Variants in SGCZ observed in about 807,000 individuals in gnomAD.
SGCZ encodes zeta-sarcoglycan.
SGCZ carries 40 observed loss-of-function variants against 41.3 expected under a neutral mutation model. That is an observed-to-expected ratio of 0.97 (90% CI 0.75 to 1.26). The LOEUF (loss-of-function observed/expected upper bound fraction) is 1.26. Among genes scored for constraint, SGCZ ranks in the 50% most tolerant of loss-of-function variants. The pLI is 0.00. For missense variants in SGCZ, 552 were observed against 369.8 expected (o/e 1.49, Z -4.04); for synonymous variants, 206 against 137.5 (o/e 1.50, Z -3.49).
chr8:14,213,828 C>G (rs1475968052), intron 4 of SGCZ, among the ~76,000 whole-genome samples: 1 of 152,016 alleles, frequency 6.6e-6, no homozygotes, highest in Non-Finnish European at 1.5e-5. Context: ...AGTTTCAAGA[C>G]TTCACTTGAA....
chr8:14,689,791 T>A (rs1303056150), intron 1 of SGCZ, among the ~76,000 whole-genome samples: 2 of 152,152 alleles, frequency 1.3e-5, no homozygotes, highest in Admixed American at 6.6e-5. Context: ...AACAGACGCA[T>A]AATTAAAGAG....
chr8:14,379,203 A>G (rs886150028), intron 2 of SGCZ, among the ~76,000 whole-genome samples: 4 of 152,208 alleles, frequency 2.6e-5, no homozygotes, highest in Non-Finnish European at 5.9e-5. Context: ...TGAAGATATT[A>G]TTATATACCT....
At chr8:15,125,308 C>T (rs1369338869) in intron 1 of SGCZ, among the ~76,000 whole-genome samples, 1 of 152,200 alleles carries the variant, frequency 6.6e-6, no homozygotes, top group Non-Finnish European at 1.5e-5. Flanking sequence ...CTACACTCAT[C>T]TACCCTTATG....
At chr8:14,770,132 T>A in intron 1 of SGCZ, among the ~76,000 whole-genome samples, 1 of 135,404 alleles carries the variant, frequency 7.4e-6, no homozygotes, top group South Asian at 2.4e-4. Context: ...ATAATAATTA[T>A]ATCTATTATA....
intron 1 of SGCZ, among the ~76,000 whole-genome samples, chr8:15,063,975 T>A (rs1316315971): frequency 6.6e-6 from 1 of 152,186 alleles, no homozygotes; most frequent in East Asian, 1.9e-4. Flanking sequence ...TTTCTGTTAT[T>A]CCGATATTTT....
rs956407988 is a variant in SGCZ, at chr8:15,105,514, A to G, written c.39+132071T>C. On this transcript the variant is annotated intron_variant, in intron 1 of 7. Transcript: ENST00000382080. ...GAGCAGGAGAGAGAGAGAGAGAGCT[A>G]AGGCCGAAGTGATACCCACTTTTAA... Among the ~76,000 whole-genome samples the G allele has an allele frequency of 1.1e-4, 17 of 152,066 alleles. No homozygotes were observed. The East Asian group carries it at 2.5e-3, about 22-fold the overall frequency.
intron 4 of SGCZ, among the ~76,000 whole-genome samples, chr8:14,209,836 GTATGATTAAGTAAAATATAAC>G (rs1805742261): frequency 1.7e-4 from 2 of 11,736 alleles, no homozygotes; most frequent in African/African-American, 4.5e-3. Context: ...AATATAACCT[GTATGATTAAGTAAAATATAAC>G]CTGTATGATT....
intron 1 of SGCZ, among the ~76,000 whole-genome samples, chr8:14,775,935 G>C (rs573749797): frequency 2.2e-4 from 33 of 152,228 alleles, no homozygotes; most frequent in African/African-American, 7.7e-4. Context: ...GGAAGGAAAA[G>C]GAAAGTGGAC....
intron 1 of SGCZ, among the ~76,000 whole-genome samples, chr8:15,165,715 G>C (rs559322722): frequency 6.6e-6 from 1 of 152,314 alleles, no homozygotes; most frequent in East Asian, 1.9e-4. Flanking sequence ...TTATAAGAAG[G>C]TATGGAAATG....
At chr8:14,287,205 AT>A (rs1179413981) in intron 3 of SGCZ, among the ~76,000 whole-genome samples, 1 of 151,118 alleles carries the variant, frequency 6.6e-6, no homozygotes, top group East Asian at 1.9e-4. Flanking sequence ...GTCTTTAGTT[AT>A]ATATATATAA....
At chr8:15,049,017 T>C (rs1428817025) in intron 1 of SGCZ, among the ~76,000 whole-genome samples, 1 of 152,142 alleles carries the variant, frequency 6.6e-6, no homozygotes, top group Non-Finnish European at 1.5e-5. Context: ...CAAAAGATGC[T>C]GTATCAGTAT....
At chr8:14,674,409 G>T (rs568837051) in intron 1 of SGCZ, among the ~76,000 whole-genome samples, 85 of 152,086 alleles carry the variant, frequency 5.6e-4, no homozygotes, top group Non-Finnish European at 1.1e-3. Flanking sequence ...CAAGAAAAAA[G>T]ATAAACTAAT....
chr8:14,858,639 C>G (rs184492166), intron 1 of SGCZ, among the ~76,000 whole-genome samples: 11 of 152,144 alleles, frequency 7.2e-5, no homozygotes, highest in Admixed American at 6.6e-4. Context: ...ATAAACGAAC[C>G]TTTCCTACGT....
rs1554478141 is a variant in SGCZ, at chr8:14,674,928, G to GCTTTTTTTTTTTTTTTTTTTTTTTTT, written c.40-120003_40-120002insAAAAAAAAAAAAAAAAAAAAAAAAAG. On this transcript the variant is annotated intron_variant, in intron 1 of 7. Transcript: ENST00000382080. ...GCCAATTTAACCTCTTTTCTTTTCT[G>GCTTTTTTTTTTTTTTTTTTTTTTTTT]TTTTTTTTTTTTTTTTTTTTTTTTT... Among the ~76,000 whole-genome samples, 73 of 71,010 alleles carry GCTTTTTTTTTTTTTTTTTTTTTTTTT rather than the reference G, an allele frequency of 1.0e-3. 22 individuals carry two copies. Among genetic ancestry groups the GCTTTTTTTTTTTTTTTTTTTTTTTTT allele is most frequent in the African/African-American group, 2.8e-3 (56 of 19,696 alleles). 46.6% of individuals were successfully genotyped at this position (71,010 alleles called of 152,430 possible).
intron 1 of SGCZ, among the ~76,000 whole-genome samples, chr8:15,209,955 G>A (rs1217270362): frequency 1.3e-5 from 2 of 152,012 alleles, no homozygotes; most frequent in East Asian, 1.9e-4. Flanking sequence ...TGGCAGTTAT[G>A]GAGTTTCTGG....
chr8:14,936,330 C>G (rs1800081796), intron 1 of SGCZ, among the ~76,000 whole-genome samples: 1 of 151,934 alleles, frequency 6.6e-6, no homozygotes, highest in Non-Finnish European at 1.5e-5. Flanking sequence ...TACCAAGCAT[C>G]AAATCTTAGC....
At chr8:15,184,577 C>G (rs944897637) in intron 1 of SGCZ, among the ~76,000 whole-genome samples, 2 of 151,762 alleles carry the variant, frequency 1.3e-5, no homozygotes, top group Admixed American at 1.3e-4. Context: ...CACCCTAGAT[C>G]TCTTGCACTC....
intron 1 of SGCZ, among the ~76,000 whole-genome samples, chr8:14,838,835 G>C (rs545162944): frequency 6.6e-6 from 1 of 152,070 alleles, no homozygotes; most frequent in African/African-American, 2.4e-5. Context: ...CAGTTCCTCC[G>C]GACTGATGCC....
intron 1 of SGCZ, among the ~76,000 whole-genome samples, chr8:15,108,732 T>C (rs1313169052): frequency 6.6e-6 from 1 of 152,236 alleles, no homozygotes; most frequent in African/African-American, 2.4e-5. Context: ...AAAGAATGAA[T>C]AGAAATCATT....
Sources: allele counts gnomAD v4.1 joint callset (sites outside exome capture counted in the v4.1 genomes callset), GRCh38; gene constraint gnomAD v4.1.1; transcripts MANE v1.5; gene names NCBI Gene and HGNC (gene_info 2026-07-23, HGNC 2026-07-21).